The following CCDC30 variants were observed in gnomAD, a reference collection of about 807,000 sequenced individuals.
The protein encoded by CCDC30 is coiled-coil domain containing 30.
A neutral mutation model predicts 100.2 loss-of-function variants in CCDC30; 70 were observed. That is an observed-to-expected ratio of 0.70 (90% CI 0.58 to 0.85). The LOEUF (loss-of-function observed/expected upper bound fraction) is 0.85. Among genes scored for constraint, CCDC30 ranks in the 40% least tolerant of loss-of-function variants. The pLI is 0.00. For synonymous variants in CCDC30, 233 were observed against 269.5 expected, an observed-to-expected ratio of 0.86 and a Z score of 1.33; for missense variants, 652 against 771.2, an observed-to-expected ratio of 0.85 and a Z score of 1.83.
At chr1:42,640,729 A>G (rs1343503370) in intron 12 of CCDC30, among the ~76,000 whole-genome samples, 2 of 151,896 alleles carry the variant, frequency 1.3e-5, no homozygotes, top group East Asian at 1.9e-4. Flanking sequence ...CCCCATTTCT[A>G]CTAAAAGTAC....
intron 11 of CCDC30, among the ~76,000 whole-genome samples, chr1:42,622,680 T>C (rs1328844761): frequency 6.6e-6 from 1 of 152,088 alleles, no homozygotes; most frequent in Non-Finnish European, 1.5e-5. Flanking sequence ...GGTTTCGCCA[T>C]GTTGGCCAGG....
intron 3 of CCDC30, among the ~76,000 whole-genome samples, chr1:42,486,738 T>A (rs371841450): frequency 2.0e-5 from 3 of 152,214 alleles, no homozygotes; most frequent in Admixed American, 6.5e-5. Context: ...AATATGAACA[T>A]ATGTTGAGAC....
intron 16 of CCDC30, 48 bp downstream of exon 20, chr1:42,653,491 GTC>G (rs1172012042): frequency 5.7e-5 from 68 of 1,200,962 alleles, no homozygotes; most frequent in Non-Finnish European, 7.7e-5. Context: ...GAGATGGACT[GTC>G]AGCCATGCCT....
intron 6 of CCDC30, among the ~76,000 whole-genome samples, chr1:42,538,517 C>A (rs549419101): frequency 2.0e-5 from 3 of 152,188 alleles, no homozygotes; most frequent in African/African-American, 7.2e-5. Flanking sequence ...ATGGTTTGAG[C>A]CCAGGAGTTG....
At chr1:42,621,305 G>A (rs1392668792) in intron 11 of CCDC30, among the ~76,000 whole-genome samples, 1 of 151,550 alleles carries the variant, frequency 6.6e-6, no homozygotes, top group Non-Finnish European at 1.5e-5. Flanking sequence ...ATACTTTTTT[G>A]GTTTTTCTCT....
At position 42,614,786 on chromosome 1, in the gene CCDC30, C is replaced by CG. The variant is rs201486475; in HGVS notation, c.1277+3697dup. ...TGAATGACAGAGTAAGACTCCATCT[C>CG]GAAAAAAAAAAAAAAGATACAGAAT... On this transcript the variant is annotated intron_variant, in intron 11 of 16. Transcript: ENST00000668663. Among the ~76,000 whole-genome samples the CG allele has an allele frequency of 1.6e-3, 220 of 137,162 alleles. 1 individual carries two copies. The highest frequency in any genetic ancestry group is 5.6e-3 in the African/African-American group (213 of 38,080). The allele number at this position is 137,162 out of a possible 152,430, so 90.0% of individuals were successfully genotyped here.
At chr1:42,651,426 G>C (rs1416813416) in intron 15 of CCDC30, among the ~76,000 whole-genome samples, 1 of 150,130 alleles carries the variant, frequency 6.7e-6, no homozygotes, top group African/African-American at 2.5e-5. Flanking sequence ...GGCCTGAATA[G>C]ACATTTCTCA....
chr1:42,468,919 A>G (rs1174792208), intron 1 of CCDC30, among the ~76,000 whole-genome samples: 1 of 152,140 alleles, frequency 6.6e-6, no homozygotes, highest in Non-Finnish European at 1.5e-5. Context: ...AAATGGCAGC[A>G]TTTGAAGGGA....
chr1:42,651,645 C>T (rs1393158691), intron 15 of CCDC30, among the ~76,000 whole-genome samples: 1 of 152,150 alleles, frequency 6.6e-6, no homozygotes, highest in Non-Finnish European at 1.5e-5. Context: ...GGAAAGATTG[C>T]TTGAGGTCAG....
chr1:42,468,366 G>A (rs1359921394), intron 1 of CCDC30, among the ~76,000 whole-genome samples: 1 of 152,140 alleles, frequency 6.6e-6, no homozygotes, highest in Non-Finnish European at 1.5e-5. Flanking sequence ...CAGCTATCTT[G>A]TCTGAATTCC....
upstream of CCDC30, chr1:42,460,088 CTGATA>C (rs1643370058): frequency 1.2e-5 from 16 of 1,387,314 alleles, no homozygotes; most frequent in Admixed American, 2.5e-4. Flanking sequence ...TTAATGACAC[CTGATA>C]TGATGTCATT....
At chr1:42,512,644 A>G (rs202145059) in intron 6 of CCDC30, among the ~76,000 whole-genome samples, 7 of 152,282 alleles carry the variant, frequency 4.6e-5, no homozygotes, top group African/African-American at 1.4e-4. Flanking sequence ...TTGCAACAGG[A>G]TAGCTGGAGA....
At chr1:42,595,349 C>T (rs1441866509) in intron 10 of CCDC30, 1 of 152,172 alleles carries the variant, frequency 6.6e-6, no homozygotes, top group Non-Finnish European at 1.5e-5. Flanking sequence ...GAATTCGAGA[C>T]CAGCCTGGCC....
intron 9 of CCDC30, among the ~76,000 whole-genome samples, chr1:42,586,578 G>A (rs1324337): frequency 0.56 from 85,346 of 151,924 alleles, 24,270 homozygotes; most frequent in East Asian, 0.81. Flanking sequence ...GTGTTAGGAG[G>A]TGTGAGCCAT....
chr1:42,580,064 T>C (rs1350718666), intron 8 of CCDC30, among the ~76,000 whole-genome samples: 2 of 152,200 alleles, frequency 1.3e-5, no homozygotes, highest in East Asian at 3.9e-4. Flanking sequence ...CACAATGGGC[T>C]TCAAGTATTG....
chr1:42,499,412 G>T (rs1644274171), intron 6 of CCDC30, among the ~76,000 whole-genome samples: 1 of 152,140 alleles, frequency 6.6e-6, no homozygotes, highest in African/African-American at 2.4e-5. Flanking sequence ...TGAAGCATCT[G>T]TTCAAATCTT....
intron 10 of CCDC30, among the ~76,000 whole-genome samples, chr1:42,597,213 G>A (rs1038856135): frequency 2.6e-5 from 4 of 152,122 alleles, no homozygotes; most frequent in Non-Finnish European, 5.9e-5. Context: ...AATAACCAAA[G>A]GAGAAGAAAT....
chr1:42,557,336 C>T (rs1339046938), intron 6 of CCDC30, among the ~76,000 whole-genome samples: 1 of 152,154 alleles, frequency 6.6e-6, no homozygotes, highest in African/African-American at 2.4e-5. Flanking sequence ...AAAGGAGTCA[C>T]TGAATTTGTT....
intron 9 of CCDC30, among the ~76,000 whole-genome samples, chr1:42,589,095 A>G (rs1367767499): frequency 6.6e-6 from 1 of 152,162 alleles, no homozygotes; most frequent in East Asian, 1.9e-4. Context: ...TGAAATAAGG[A>G]CAACTACTTT....
Sources: allele counts gnomAD v4.1 joint callset (sites outside exome capture counted in the v4.1 genomes callset), GRCh38; gene constraint gnomAD v4.1.1; transcripts MANE v1.5; gene names NCBI Gene and HGNC (gene_info 2026-07-23, HGNC 2026-07-21).